PPFIBP2: variants seen among roughly 807,000 people sequenced by gnomAD.
PPFIBP2 encodes PPFIB scaffold protein 2.
In PPFIBP2, 118 loss-of-function variants were observed where a neutral mutation model predicts 118.3. The observed-to-expected ratio is 1.00, with a 90% CI of 0.86 to 1.16. The LOEUF is 1.16. Among genes scored for constraint, PPFIBP2 ranks in the 50% most tolerant of loss-of-function variants. PPFIBP2 has a pLI of 0.00. For synonymous variants in PPFIBP2, 414 were observed against 397.4 expected (o/e 1.04, Z -0.50); for missense variants, 1,195 against 1,073.1 (o/e 1.11, Z -1.59).
chr11:7,651,570 G>A, intron 22 of PPFIBP2, 86 bp from the exon 23 acceptor site: 1 of 1,279,590 alleles, frequency 7.8e-7, no homozygotes, highest in South Asian at 1.4e-5. Context: ...GGCACCCCCA[G>A]CCCCAACAGG....
the PPFIBP2 span, chr11:7,665,179 A>G: frequency 2.1e-6 from 1 of 476,704 alleles, no homozygotes; most frequent in Non-Finnish European, 3.7e-6. Flanking sequence ...CCTCCAAGCA[A>G]GGAGGCCCCA....
chr11:7,609,455 T>G (rs770108901), intron 5 of PPFIBP2, among the ~76,000 whole-genome samples: 19 of 152,244 alleles, frequency 1.2e-4, no homozygotes. Context: ...CCCTGGACTT[T>G]AGGAAATGCT....
At chr11:7,620,808 A>T in intron 6 of PPFIBP2, 127 bp from the exon 7 acceptor site, 1 of 694,946 alleles carries the variant, frequency 1.4e-6, no homozygotes, top group Non-Finnish European at 2.6e-6. Flanking sequence ...ACGTGTTTAA[A>T]GATTAAAGCT....
chr11:7,634,958 G>T (rs901386142), intron 13 of PPFIBP2, among the ~76,000 whole-genome samples: 1 of 152,146 alleles, frequency 6.6e-6, no homozygotes, highest in African/African-American at 2.4e-5. Context: ...TTTTAATGAT[G>T]AATTAATGTG....
At chr11:7,661,063 A>C (rs532664567), downstream of PPFIBP2, among the ~76,000 whole-genome samples, 1 of 150,982 alleles carries the variant, frequency 6.6e-6, no homozygotes, top group Non-Finnish European at 1.5e-5. Context: ...TTTTGCTAGC[A>C]GTCTATCAAT....
the PPFIBP2 span, among the ~76,000 whole-genome samples, chr11:7,663,426 C>T: frequency 9.9e-5 from 15 of 151,440 alleles, no homozygotes; most frequent in South Asian, 1.3e-3. Context: ...GTCGGTGTGC[C>T]CCTGCTGGGG....
chr11:7,534,588 A>T (rs1187523234), intron 1 of PPFIBP2, among the ~76,000 whole-genome samples: 4 of 152,172 alleles, frequency 2.6e-5, no homozygotes, highest in Non-Finnish European at 4.4e-5. Context: ...CTGAGGAGGC[A>T]CATTGCCAAC....
the PPFIBP2 span, among the ~76,000 whole-genome samples, chr11:7,664,119 C>T: frequency 7.2e-5 from 11 of 152,204 alleles, no homozygotes; most frequent in Non-Finnish European, 1.3e-4. Context: ...GCGTCGCTCA[C>T]GCTGGGAGCT....
chr11:7,554,769 A>G (rs1400452905), intron 2 of PPFIBP2, among the ~76,000 whole-genome samples: 3 of 141,092 alleles, frequency 2.1e-5, no homozygotes, highest in African/African-American at 8.4e-5. Context: ...TGAAATCTGA[A>G]TGGCTGAATC....
chr11:7,550,824 G>A (rs764181594), intron 2 of PPFIBP2, among the ~76,000 whole-genome samples: 25 of 152,100 alleles, frequency 1.6e-4, no homozygotes, highest in Non-Finnish European at 3.5e-4. Flanking sequence ...TATAAAACAG[G>A]CAGAAAAACA....
chr11:7,545,908 G>A (rs1852278894), intron 1 of PPFIBP2, among the ~76,000 whole-genome samples: 1 of 152,168 alleles, frequency 6.6e-6, no homozygotes, highest in South Asian at 2.1e-4. Flanking sequence ...TTGGGGAGGA[G>A]AGTGGGGCTG....
intron 13 of PPFIBP2, 106 bp from the exon 14 acceptor site, chr11:7,635,446 G>C: frequency 9.4e-7 from 1 of 1,058,622 alleles, no homozygotes; most frequent in Non-Finnish European, 1.5e-6. Context: ...GGGAGGGGAT[G>C]CGCCTTTCAG....
At chr11:7,552,827 C>T (rs558802261) in intron 2 of PPFIBP2, among the ~76,000 whole-genome samples, 2 of 152,246 alleles carry the variant, frequency 1.3e-5, no homozygotes, top group African/African-American at 4.8e-5. Context: ...GGAAGGCCTT[C>T]CCTGACTGTG....
intron 1 of PPFIBP2, among the ~76,000 whole-genome samples, chr11:7,524,486 T>G (rs1285492693): frequency 2.0e-5 from 3 of 152,188 alleles, no homozygotes; most frequent in African/African-American, 7.2e-5. Flanking sequence ...GACAAATGGC[T>G]TGTTTCATGA....
At position 7,549,603 on chromosome 11, in the gene PPFIBP2, C is replaced by G. The variant is rs888407827; in HGVS notation, c.64+64C>G. The stretch of plus-strand genomic sequence containing the variant: ...CCACATTCCAGGAACTGCTTCTCTC[C>G]TTTTACTTTTTTTTTTTTTTTTGGC... On this transcript the variant is annotated intron_variant, in intron 2 of 23. Transcript: ENST00000299492. 91 of 1,195,208 alleles carry G rather than the reference C, an allele frequency of 7.6e-5. No homozygotes were observed. In the East Asian group the frequency reaches 2.6e-3, roughly 34 times the overall value. 74.0% of individuals were successfully genotyped at this position (1,195,208 alleles called of 1,614,324 possible).
At chr11:7,559,064 A>C (rs1388141580) in intron 2 of PPFIBP2, among the ~76,000 whole-genome samples, 5 of 152,194 alleles carry the variant, frequency 3.3e-5, no homozygotes, top group Non-Finnish European at 7.3e-5. Flanking sequence ...GAGTTTGTAA[A>C]ACCGCTCAGG....
chr11:7,655,257 G>C (rs532895564), downstream of PPFIBP2, among the ~76,000 whole-genome samples: 180 of 152,300 alleles, frequency 1.2e-3, no homozygotes, highest in African/African-American at 4.2e-3. Flanking sequence ...GGAAACAGGA[G>C]CAGCATGTGC....
intron 6 of PPFIBP2, among the ~76,000 whole-genome samples, chr11:7,618,272 A>G (rs1430345483): frequency 6.6e-6 from 1 of 152,224 alleles, no homozygotes; most frequent in Admixed American, 6.5e-5. Context: ...CGCATGACCT[A>G]TGTTGAGTAG....
chr11:7,519,844 C>T (rs542550475), intron 1 of PPFIBP2, among the ~76,000 whole-genome samples: 10 of 152,126 alleles, frequency 6.6e-5, no homozygotes, highest in Non-Finnish European at 1.2e-4. Context: ...GTTGGATTTT[C>T]GGACCAGAGA....
Sources: allele counts gnomAD v4.1 joint callset (sites outside exome capture counted in the v4.1 genomes callset), GRCh38; gene constraint gnomAD v4.1.1; transcripts MANE v1.5; gene names NCBI Gene and HGNC (gene_info 2026-07-23, HGNC 2026-07-21).